SNX30: variants seen among roughly 807,000 people sequenced by gnomAD.
The protein encoded by SNX30 is sorting nexin family member 30.
SNX30 carries 24 observed loss-of-function variants against 46.4 expected under a neutral mutation model. That is an observed-to-expected ratio of 0.52 (90% confidence interval 0.37 to 0.73). The LOEUF (loss-of-function observed/expected upper bound fraction) is 0.73, where lower values mean the gene tolerates loss of function less well. Ranked by LOEUF, SNX30 falls within the 30% of genes least tolerant of loss-of-function variation. The pLI, the probability that SNX30 is intolerant of heterozygous loss-of-function variation, is 0.00. For missense variants in SNX30, 533 were observed against 555.7 expected, an observed-to-expected ratio of 0.96 and a Z score of 0.41; for synonymous variants, 189 against 211.5, an observed-to-expected ratio of 0.89 and a Z score of 0.92.
rs965083094 is a variant in SNX30, at chr9:112,859,116, C to T, written c.1102-5131C>T. 2.6e-5 allele frequency among the ~76,000 whole-genome samples: 4 copies of T among 152,074 alleles called. No homozygotes were observed. In the East Asian group the frequency reaches 7.7e-4, roughly 29 times the overall value. On this transcript the variant is annotated intron_variant, in intron 7 of 8. Transcript: ENST00000374232. Reference sequence around the variant, plus strand: ...CCCCTCCTGCCGGCCTCTAGAAACCCCTGTTCTACTTTCTGTCTCTATGAC... The same window carrying T: ...CCCCTCCTGCCGGCCTCTAGAAACCTCTGTTCTACTTTCTGTCTCTATGAC...
At chr9:112,846,056 A>G (rs556233006) in intron 6 of SNX30, among the ~76,000 whole-genome samples, 6 of 152,220 alleles carry the variant, frequency 3.9e-5, no homozygotes, top group Non-Finnish European at 8.8e-5. Flanking sequence ...AATTAAAACC[A>G]TAATAGGAAT....
At chr9:112,806,080 G>A (rs1394310643) in intron 2 of SNX30, among the ~76,000 whole-genome samples, 2 of 152,020 alleles carry the variant, frequency 1.3e-5, no homozygotes, top group African/African-American at 4.8e-5. Context: ...TAACCTTTTG[G>A]ACTGAAGAGT....
intron 3 of SNX30, among the ~76,000 whole-genome samples, chr9:112,818,613 G>C (rs1045377172): frequency 2.0e-5 from 3 of 152,188 alleles, no homozygotes. Context: ...GTTTCTTTGG[G>C]CCTTGGGGGC....
intron 1 of SNX30, among the ~76,000 whole-genome samples, chr9:112,776,472 C>G (rs528537500): frequency 6.6e-6 from 1 of 152,322 alleles, no homozygotes; most frequent in African/African-American, 2.4e-5. Flanking sequence ...AGGACAAGAG[C>G]TGATTAGACT....
At chr9:112,858,419 G>A (rs1841170187) in intron 7 of SNX30, among the ~76,000 whole-genome samples, 1 of 152,170 alleles carries the variant, frequency 6.6e-6, no homozygotes, top group African/African-American at 2.4e-5. Flanking sequence ...GGAGGCTGAG[G>A]CAGGAGGATC....
At position 112,838,350 on chromosome 9, in the gene SNX30, G is replaced by T. The variant is rs949480777; in HGVS notation, c.815-148G>T. 6 of 612,030 alleles carry T rather than the reference G, an allele frequency of 9.8e-6. No individual in the cohort carries two copies. In the East Asian group the frequency reaches 1.7e-4, roughly 17 times the overall value. 37.9% of individuals were successfully genotyped at this position (612,030 alleles called of 1,614,324 possible). A position where few individuals can be genotyped will look rare whatever the true frequency, so the allele number is the denominator to read the frequency against. ...AAGCAGTTGTGCTAGAAACAGTGTTGTGTTTAAAGAAGAGTGGGATCAGGT... is the reference window on the plus strand; with the variant it reads ...AAGCAGTTGTGCTAGAAACAGTGTTTTGTTTAAAGAAGAGTGGGATCAGGT... On this transcript the variant is annotated intron_variant, in intron 5 of 8. Coordinates refer to ENST00000374232, the MANE Select transcript of SNX30 (RefSeq NM_001012994.2).
intron 3 of SNX30, among the ~76,000 whole-genome samples, chr9:112,830,427 A>G (rs1278076000): frequency 6.6e-6 from 1 of 151,654 alleles, no homozygotes; most frequent in African/African-American, 2.4e-5. Context: ...CTTTTCCATC[A>G]TATCACGTGT....
At chr9:112,814,532 C>T (rs541548926) in intron 2 of SNX30, among the ~76,000 whole-genome samples, 29 of 152,218 alleles carry the variant, frequency 1.9e-4, no homozygotes, top group African/African-American at 5.3e-4. Flanking sequence ...TGAGCCACTG[C>T]GCCTGGCTGG....
At chr9:112,783,222 A>G (rs1406881392) in intron 1 of SNX30, among the ~76,000 whole-genome samples, 1 of 152,200 alleles carries the variant, frequency 6.6e-6, no homozygotes, top group East Asian at 1.9e-4. Flanking sequence ...CAGACGGTGA[A>G]GGGCTACTAG....
chr9:112,762,453 G>A (rs1275916340), intron 1 of SNX30, among the ~76,000 whole-genome samples: 1 of 152,078 alleles, frequency 6.6e-6, no homozygotes, highest in Non-Finnish European at 1.5e-5. Flanking sequence ...AGAGGTTAAT[G>A]GTCCAGTGAA....
intron 1 of SNX30, among the ~76,000 whole-genome samples, chr9:112,763,360 C>CTTTTTTTTTTTT (rs751720343): frequency 2.1e-5 from 1 of 47,566 alleles, no homozygotes; most frequent in Non-Finnish European, 3.4e-5. Context: ...GCTATTTAAA[C>CTTTTTTTTTTTT]TTTTTTTTTT....
intron 7 of SNX30, among the ~76,000 whole-genome samples, chr9:112,853,836 A>G (rs1841073830): frequency 6.6e-6 from 1 of 152,240 alleles, no homozygotes; most frequent in South Asian, 2.1e-4. Context: ...GATCGTCACT[A>G]CACAGTGTGT....
At chr9:112,817,852 TC>T in intron 3 of SNX30, 37 bp downstream of exon 3, 1 of 1,372,812 alleles carries the variant, frequency 7.3e-7, no homozygotes, top group Non-Finnish European at 1.0e-6. Flanking sequence ...TTCTCACTTG[TC>T]CTGTGTTGTC....
rs558394842 is a variant in SNX30 at position 112,837,325 on chromosome 9, G to A, written c.814+916G>A. On this transcript the variant is annotated intron_variant, in intron 5 of 8. Coordinates refer to ENST00000374232, the MANE Select transcript of SNX30 (RefSeq NM_001012994.2). ...GATACCATCCACACCTAAGGATCTT[G>A]CAGAGTAAATTCTGATGGGATCCAA... Among the ~76,000 whole-genome samples, 16 of 152,212 alleles carry A rather than the reference G, an allele frequency of 1.1e-4. No homozygotes were observed. The South Asian group carries it at 3.3e-3, about 32-fold the overall frequency.
At chr9:112,782,379 A>G (rs1258464960) in intron 1 of SNX30, among the ~76,000 whole-genome samples, 1 of 152,184 alleles carries the variant, frequency 6.6e-6, no homozygotes, top group Non-Finnish European at 1.5e-5. Context: ...AAGTTTTATT[A>G]GAACATAACC....
At chr9:112,822,144 C>T (rs1177352024) in intron 3 of SNX30, among the ~76,000 whole-genome samples, 4 of 151,558 alleles carry the variant, frequency 2.6e-5, no homozygotes, top group South Asian at 4.2e-4. Context: ...AAACTCCTGG[C>T]CTCAAGGGAT....
At chr9:112,848,076 C>T (rs1840966661) in intron 6 of SNX30, among the ~76,000 whole-genome samples, 1 of 151,602 alleles carries the variant, frequency 6.6e-6, no homozygotes, top group Admixed American at 6.6e-5. Flanking sequence ...TAGAGGAGGG[C>T]AGGTGGCGCG....
intron 3 of SNX30, among the ~76,000 whole-genome samples, chr9:112,819,660 T>C (rs538076392): frequency 7.2e-5 from 11 of 152,366 alleles, no homozygotes; most frequent in Admixed American, 1.3e-4. Flanking sequence ...TGTAACAGTT[T>C]GTCAGGCTTT....
At chr9:112,756,789 C>G (rs1839357999) in intron 1 of SNX30, among the ~76,000 whole-genome samples, 1 of 152,182 alleles carries the variant, frequency 6.6e-6, no homozygotes, top group East Asian at 1.9e-4. Flanking sequence ...TTCATCTGCT[C>G]TCTCCCACGG....
Sources: gnomAD v4.1 joint callset for allele counts (sites outside exome capture counted in the v4.1 genomes callset) on GRCh38, gnomAD v4.1.1 for gene constraint, MANE v1.5 for transcripts, NCBI Gene and HGNC (gene_info 2026-07-23, HGNC 2026-07-21) for gene names.